The following ARHGEF12 variants were observed in gnomAD, a reference collection of about 807,000 sequenced individuals.
ARHGEF12 encodes the protein KMT2A/ARHGEF12 fusion protein.
ARHGEF12 carries 66 observed loss-of-function variants against 211.2 expected under a neutral mutation model. The ratio of observed to expected loss-of-function variants is 0.31; its 90% confidence interval spans 0.26 to 0.38. The LOEUF (loss-of-function observed/expected upper bound fraction) is 0.38. Ranked by LOEUF, ARHGEF12 falls within the 10% of genes least tolerant of loss-of-function variation. The pLI, the probability that ARHGEF12 is intolerant of heterozygous loss-of-function variation, is 1.00. For missense variants in ARHGEF12, 1,429 were observed against 1,869.5 expected, an observed-to-expected ratio of 0.76 and a Z score of 4.34; for synonymous variants, 592 against 638.4, an observed-to-expected ratio of 0.93 and a Z score of 1.09.
In ARHGEF12 at chr11:120,336,457, C is replaced by A. The variant is rs1049204480; in HGVS notation, c.-787C>A. Among the ~76,000 whole-genome samples, 9 of 151,644 alleles carry A rather than the reference C, an allele frequency of 5.9e-5. No individual in the cohort carries two copies. Among genetic ancestry groups the A allele is most frequent in the African/African-American group, 1.9e-4 (8 of 41,376 alleles). ...CTGCGCCGGGAGACGCCGCCGCCTC[C>A]GCCTCCCGGACCAGGGCTTCCAGGC... On this transcript the variant is annotated 5_prime_UTR_variant, in exon 1 of 41. Transcript: ENST00000397843.
At chr11:120,361,613 C>A (rs951468331) in intron 1 of ARHGEF12, among the ~76,000 whole-genome samples, 25 of 152,152 alleles carry the variant, frequency 1.6e-4, no homozygotes, top group Admixed American at 1.1e-3. Flanking sequence ...TCAAAAATTT[C>A]AAGCATCTTT....
At chr11:120,404,330 C>G (rs76181827) in intron 1 of ARHGEF12, among the ~76,000 whole-genome samples, 6,689 of 152,240 alleles carry the variant, frequency 0.044, 217 homozygotes, top group South Asian at 0.094. Context: ...CAAGAAGGTT[C>G]TTGACATTGT....
intron 30 of ARHGEF12, among the ~76,000 whole-genome samples, chr11:120,471,256 A>G (rs1264367547): frequency 6.6e-6 from 1 of 152,216 alleles, no homozygotes; most frequent in Middle Eastern, 3.2e-3. Context: ...GTATAGTTAT[A>G]AAATAGAATG....
At chr11:120,424,317 A>G (rs749010378) in intron 6 of ARHGEF12, 41 bp from the exon 7 acceptor site, 7 of 1,473,684 alleles carry the variant, frequency 4.8e-6, no homozygotes, top group Middle Eastern at 1.7e-4. Context: ...CATTGTCTCA[A>G]TAGAATGTAT....
Position 120,336,478 on chromosome 11 carries a change from C to T in ARHGEF12, c.-766C>T, listed in dbSNP as rs1942348752. 6.6e-6 allele frequency among the ~76,000 whole-genome samples: 1 copy of T among 151,822 alleles called. No homozygotes were observed. The highest frequency in any genetic ancestry group is 1.5e-5 in the Non-Finnish European group (1 of 67,892). On this transcript the variant is annotated 5_prime_UTR_variant, in exon 1 of 41. Transcript: ENST00000397843. ...CCTCCGCCTCCCGGACCAGGGCTTC[C>T]AGGCCGGGCCGGACGGGCATCTCCC...
chr11:120,396,576 T>C (rs1269424418), intron 1 of ARHGEF12, among the ~76,000 whole-genome samples: 1 of 152,196 alleles, frequency 6.6e-6, no homozygotes. Context: ...GAAAACTGAT[T>C]TTCAAAAGTG....
chr11:120,350,083 A>T (rs1410010365), intron 1 of ARHGEF12, among the ~76,000 whole-genome samples: 1 of 152,170 alleles, frequency 6.6e-6, no homozygotes. Context: ...TTATTTATTC[A>T]GTAAATATTG....
chr11:120,436,983 T>TAAATA (rs3217530), intron 11 of ARHGEF12, among the ~76,000 whole-genome samples: 33,940 of 151,912 alleles, frequency 0.22, 3,919 homozygotes, highest in African/African-American at 0.24. Flanking sequence ...TTAAGGAAGA[T>TAAATA]AAGAGAGTTT....
intron 12 of ARHGEF12, chr11:120,438,555 C>A (rs1945767779): frequency 6.6e-6 from 1 of 152,068 alleles, no homozygotes; most frequent in Non-Finnish European, 1.5e-5. Context: ...TGTTGCAACA[C>A]TAGGAGGAAA....
At position 120,485,170 on chromosome 11, in the gene ARHGEF12, G is replaced by C; in HGVS notation, c.*93G>C. 1 of 1,524,560 alleles carries C rather than the reference G, an allele frequency of 6.6e-7. No individual in the cohort carries two copies. Among genetic ancestry groups the C allele is most frequent in the Non-Finnish European group, 9.1e-7 (1 of 1,103,332 alleles). 94.4% of individuals were successfully genotyped at this position (1,524,560 alleles called of 1,614,324 possible). Reference sequence around the variant, plus strand: ...TGGCTCCAGTGTGGATGCAGAGAGAGTGTGACAGAGGATCTGCCTGTGAAC... The same window carrying C: ...TGGCTCCAGTGTGGATGCAGAGAGACTGTGACAGAGGATCTGCCTGTGAAC... On this transcript the variant is annotated 3_prime_UTR_variant, in exon 41 of 41. Coordinates refer to ENST00000397843, the MANE Select transcript of ARHGEF12 (RefSeq NM_015313.3).
At chr11:120,339,775 G>T (rs1308684904) in intron 1 of ARHGEF12, among the ~76,000 whole-genome samples, 1 of 152,206 alleles carries the variant, frequency 6.6e-6, no homozygotes, top group Non-Finnish European at 1.5e-5. Flanking sequence ...TGTTAGGGAC[G>T]TGCTGGGGCT....
intron 1 of ARHGEF12, among the ~76,000 whole-genome samples, chr11:120,384,014 C>T (rs1046654166): frequency 3.0e-4 from 45 of 152,078 alleles, no homozygotes; most frequent in African/African-American, 1.1e-3. Flanking sequence ...TGGGTAGCTT[C>T]GTGTTTCTTA....
At chr11:120,455,552 A>G (rs576610912) in intron 22 of ARHGEF12, among the ~76,000 whole-genome samples, 44 of 152,342 alleles carry the variant, frequency 2.9e-4, no homozygotes, top group African/African-American at 1.0e-3. Flanking sequence ...TTTAACTGGA[A>G]TGTACCTTTC....
chr11:120,419,173 G>T (rs1004847632), intron 4 of ARHGEF12, among the ~76,000 whole-genome samples: 3 of 151,748 alleles, frequency 2.0e-5, no homozygotes, highest in Admixed American at 2.0e-4. Flanking sequence ...TGTTAGCCAG[G>T]ATGGTCTCGA....
chr11:120,477,419 GTTTT>G (rs371114939), intron 35 of ARHGEF12, 24 bp from the exon 36 acceptor site: 430 of 1,247,820 alleles, frequency 3.4e-4, no homozygotes, highest in Middle Eastern at 4.8e-4. Flanking sequence ...GAAGGTAAAA[GTTTT>G]TTTTTTTTTT....
At chr11:120,433,956 T>G (rs1006773769) in intron 11 of ARHGEF12, among the ~76,000 whole-genome samples, 2 of 152,032 alleles carry the variant, frequency 1.3e-5, no homozygotes, top group African/African-American at 4.8e-5. Context: ...AGACTCCATC[T>G]CAGGGGTGGG....
intron 4 of ARHGEF12, among the ~76,000 whole-genome samples, chr11:120,420,105 G>T (rs1056254093): frequency 3.9e-5 from 6 of 152,148 alleles, no homozygotes; most frequent in African/African-American, 1.4e-4. Flanking sequence ...TGAAGGAACT[G>T]GTTGAGCTCA....
At chr11:120,483,767 A>C (rs1947324190) in intron 39 of ARHGEF12, among the ~76,000 whole-genome samples, 1 of 152,142 alleles carries the variant, frequency 6.6e-6, no homozygotes, top group South Asian at 2.1e-4. Context: ...GGCGCCTGCC[A>C]CCATGCCCGG....
intron 1 of ARHGEF12, among the ~76,000 whole-genome samples, chr11:120,340,629 G>A (rs1377843399): frequency 6.6e-6 from 1 of 152,074 alleles, no homozygotes; most frequent in African/African-American, 2.4e-5. Context: ...AGCTACTCAT[G>A]TTTATATGTT....
Sources: gnomAD v4.1 joint callset for allele counts (sites outside exome capture counted in the v4.1 genomes callset) on GRCh38, gnomAD v4.1.1 for gene constraint, MANE v1.5 for transcripts, NCBI Gene and HGNC (gene_info 2026-07-23, HGNC 2026-07-21) for gene names.